The following RAPH1 variants were observed in gnomAD, a reference collection of about 807,000 sequenced individuals.
The protein encoded by RAPH1 is ras-associated and pleckstrin homology domains-containing protein 1.
RAPH1 carries 18 observed loss-of-function variants against 88.1 expected under a neutral mutation model. The observed-to-expected ratio is 0.20, with a 90% CI of 0.14 to 0.30. The LOEUF (loss-of-function observed/expected upper bound fraction) is 0.30. Among genes scored for constraint, RAPH1 ranks in the 10% least tolerant of loss-of-function variants. The probability of loss-of-function intolerance (pLI) is 1.00; values close to 1 mark genes in which losing one functional copy is unlikely to be tolerated. For synonymous variants in RAPH1, 587 were observed against 559.0 expected (o/e 1.05, Z -0.71); for missense variants, 1,448 against 1,543.2 (o/e 0.94, Z 1.03).
intron 1 of RAPH1, among the ~76,000 whole-genome samples, chr2:203,532,892 G>C (rs370572088): frequency 3.9e-4 from 59 of 152,204 alleles, no homozygotes; most frequent in Middle Eastern, 6.8e-3. Flanking sequence ...TTAAGTGTTT[G>C]GGATTAACAA....
intron 10 of RAPH1, among the ~76,000 whole-genome samples, chr2:203,449,099 G>A (rs2259038): frequency 0.14 from 21,624 of 152,206 alleles, 3,493 homozygotes; most frequent in African/African-American, 0.4. Flanking sequence ...ATTCCCAAAC[G>A]TTCCTTCTAC....
At chr2:203,466,215 T>C (rs2098528310) in intron 4 of RAPH1, among the ~76,000 whole-genome samples, 1 of 152,230 alleles carries the variant, frequency 6.6e-6, no homozygotes, top group Non-Finnish European at 1.5e-5. Flanking sequence ...GAACTGATCA[T>C]GATACCTCTT....
intron 4 of RAPH1, among the ~76,000 whole-genome samples, chr2:203,472,976 A>G: frequency 6.6e-6 from 1 of 152,268 alleles, no homozygotes; most frequent in Non-Finnish European, 1.5e-5. Context: ...GAGGGTAATC[A>G]TTATGGTTGG....
intron 1 of RAPH1, among the ~76,000 whole-genome samples, chr2:203,529,006 T>TATATATATATA (rs1553633902): frequency 1.7e-4 from 8 of 46,072 alleles, no homozygotes; most frequent in Non-Finnish European, 2.7e-4. Context: ...TATATATATA[T>TATATATATATA]TTTTTTTTTT....
Position 203,439,577 on chromosome 2 carries a change from G to A in RAPH1, c.3613C>T (p.Pro1205Ser). ...ATMDDMALPP[P>S]PPELLSDQQK... ...TGATCAGACAGCAGTTCAGGGGGTG[G>A]TGGAGGCAATGCCATATCATCCATG... is the stretch of plus-strand genomic sequence containing the variant. The change falls in exon 14 of 14, where the codon CCA (proline) becomes TCA (serine). Residue 1205 changes from proline to serine, a missense_variant. This residue lies in a region of RAPH1 where 935 missense variants were observed against 890.1 expected (regional missense o/e 1.05). Transcript: ENST00000319170. 1.9e-6 allele frequency: 3 copies of A among 1,614,162 alleles called. No homozygotes were observed. The highest frequency in any genetic ancestry group is 2.5e-6 in the Non-Finnish European group (3 of 1,180,026).
At chr2:203,504,797 G>A (rs1450154571) in intron 1 of RAPH1, among the ~76,000 whole-genome samples, 1 of 151,996 alleles carries the variant, frequency 6.6e-6, no homozygotes, top group Non-Finnish European at 1.5e-5. Flanking sequence ...TGAATGGTTT[G>A]CTGCTTTGAA....
chr2:203,457,549 T>C lies in RAPH1; in HGVS notation c.1139A>G (p.Asn380Ser). 1.2e-6 allele frequency: 2 copies of C among 1,612,820 alleles called. No homozygotes were observed. The highest frequency in any genetic ancestry group is 1.7e-6 in the Non-Finnish European group (2 of 1,178,846). ...TCATACCTCCAAGAGGACTTCTTTG[T>C]TTCTATCTGCCATCTCAGCTGTTTC... The part of the protein sequence containing the change: ...KKETAEMADR[N>S]KEVLLEECFC... Residue 380 changes from asparagine (N) to serine (S), a missense_variant, in exon 8 of 14, where the codon AAC (asparagine) becomes AGC (serine). Physicochemically the swap from Asn to Ser is conservative, Grantham distance 46. This residue lies in a region of RAPH1 where 513 missense variants were observed against 653.1 expected (regional missense o/e 0.79). Coordinates refer to ENST00000319170, the MANE Select transcript of RAPH1 (RefSeq NM_213589.3).
At position 203,506,904 on chromosome 2, in the gene RAPH1, T is replaced by A. The variant is rs1490270305; in HGVS notation, c.1-11551A>T. 3.6e-4 allele frequency among the ~76,000 whole-genome samples: 44 copies of A among 122,984 alleles called. 2 individuals carry two copies. The highest frequency in any genetic ancestry group is 5.0e-4 in the Non-Finnish European group (31 of 61,588). 80.7% of individuals were successfully genotyped at this position (122,984 alleles called of 152,430 possible). A position where few individuals can be genotyped will look rare whatever the true frequency, so the allele number is the denominator to read the frequency against. On this transcript the variant is annotated intron_variant, in intron 1 of 13. Transcript: ENST00000319170. Reference sequence around the variant, plus strand: ...TAGATATATATATATATATATTTTTTTTTTTTTTGAGATGAACTTTCACTC... The same window carrying A: ...TAGATATATATATATATATATTTTTATTTTTTTTGAGATGAACTTTCACTC...
At chr2:203,528,046 A>T (rs1690204717) in intron 1 of RAPH1, among the ~76,000 whole-genome samples, 1 of 152,138 alleles carries the variant, frequency 6.6e-6, no homozygotes. Context: ...CAAATCATTT[A>T]AAAAATTGTG....
At chr2:203,453,611 A>G (rs1391228054) in intron 10 of RAPH1, among the ~76,000 whole-genome samples, 1 of 151,464 alleles carries the variant, frequency 6.6e-6, no homozygotes, top group East Asian at 1.9e-4. Flanking sequence ...TATCAAAGCA[A>G]TCAAAACTCC....
At chr2:203,476,955 TAA>T (rs1581317702) in intron 4 of RAPH1, 3 of 674,200 alleles carry the variant, frequency 4.4e-6, no homozygotes, top group South Asian at 2.0e-5. Flanking sequence ...GCTAATTTAT[TAA>T]GTTTGGTTTA....
intron 4 of RAPH1, chr2:203,477,088 A>T: frequency 6.2e-7 from 1 of 1,612,964 alleles, no homozygotes; most frequent in Non-Finnish European, 8.5e-7. Flanking sequence ...GTGTCAGCTC[A>T]GCCTGTTCTT....
intron 13 of RAPH1, chr2:203,442,390 A>G: frequency 4.4e-6 from 1 of 226,194 alleles, no homozygotes; most frequent in Non-Finnish European, 8.6e-6. Flanking sequence ...ACAAACTTTG[A>G]GGATCCAAGA....
Position 203,439,305 on chromosome 2 carries a change from CAT to C in RAPH1, c.*130_*131del, listed in dbSNP as rs2098501092. On this transcript the variant is annotated 3_prime_UTR_variant, in exon 14 of 14. Transcript: ENST00000319170. ...GTGTACATGCACGTGTACACACACA[CAT>C]ACACATATAGCTGGACACTACCTGA... 4 of 755,150 alleles carry C rather than the reference CAT, an allele frequency of 5.3e-6. No homozygotes were observed. Among genetic ancestry groups the C allele is most frequent in the Admixed American group, 4.8e-5 (2 of 41,570 alleles). 46.8% of individuals were successfully genotyped at this position (755,150 alleles called of 1,614,324 possible). A position where few individuals can be genotyped will look rare whatever the true frequency, so the allele number is the denominator to read the frequency against.
At chr2:203,502,743 C>G (rs1005866529) in intron 1 of RAPH1, among the ~76,000 whole-genome samples, 2 of 151,354 alleles carry the variant, frequency 1.3e-5, no homozygotes, top group Non-Finnish European at 2.9e-5. Context: ...TGGCGTGAAC[C>G]CTGGAGGTGG....
At chr2:203,529,996 G>A (rs1367135312) in intron 1 of RAPH1, among the ~76,000 whole-genome samples, 1 of 152,098 alleles carries the variant, frequency 6.6e-6, no homozygotes, top group Non-Finnish European at 1.5e-5. Flanking sequence ...CTCTATTGTG[G>A]AGAACAGAAT....
rs1395245949 is a variant in RAPH1, at chr2:203,435,744, A to ATGT, written c.*3690_*3692dup. 2 of 152,180 alleles carry ATGT rather than the reference A, an allele frequency of 1.3e-5. No individual in the cohort carries two copies. The highest frequency in any genetic ancestry group is 2.9e-5 in the Non-Finnish European group (2 of 68,028). 9.4% of individuals were successfully genotyped at this position (152,180 alleles called of 1,614,324 possible). A position where few individuals can be genotyped will look rare whatever the true frequency, so the allele number is the denominator to read the frequency against. On this transcript the variant is annotated 3_prime_UTR_variant, in exon 14 of 14. Coordinates refer to ENST00000319170, the MANE Select transcript of RAPH1 (RefSeq NM_213589.3). Reference sequence around the variant, plus strand: ...GTAGGTATATGAAAAACTTTTGGTAATGTACAAAAATAGGAATGGGTTTTT... The same window carrying ATGT: ...GTAGGTATATGAAAAACTTTTGGTAATGTTGTACAAAAATAGGAATGGGTTTTT...
chr2:203,456,167 T>G (rs1049581006), intron 8 of RAPH1, among the ~76,000 whole-genome samples: 1 of 152,244 alleles, frequency 6.6e-6, no homozygotes, highest in Non-Finnish European at 1.5e-5. Flanking sequence ...TACAAACTTT[T>G]AACTAAAACA....
chr2:203,467,428 TAA>T (rs35484682), intron 4 of RAPH1, among the ~76,000 whole-genome samples: 4 of 142,366 alleles, frequency 2.8e-5, no homozygotes, highest in African/African-American at 1.0e-4. Flanking sequence ...CCGTCTCTAC[TAA>T]AAAAAAAAAA....
Sources: allele counts gnomAD v4.1 joint callset (sites outside exome capture counted in the v4.1 genomes callset), GRCh38; gene constraint gnomAD v4.1.1; regional missense constraint gnomAD v4.1.1; transcripts MANE v1.5; gene names NCBI Gene and HGNC (gene_info 2026-07-23, HGNC 2026-07-21).